LINGO2: variants seen among roughly 807,000 people sequenced by gnomAD.
LINGO2 encodes the protein leucine-rich repeat and immunoglobulin-like domain-containing nogo receptor-interacting protein 2.
In LINGO2, 14 loss-of-function variants were observed where a neutral mutation model predicts 30.6. The ratio of observed to expected loss-of-function variants is 0.46; its 90% CI spans 0.30 to 0.72. The LOEUF (loss-of-function observed/expected upper bound fraction) is 0.72, where lower values mean the gene tolerates loss of function less well. Ranked by LOEUF, LINGO2 falls within the 30% of genes least tolerant of loss-of-function variation. The pLI is 0.07. For missense variants in LINGO2, 729 were observed against 751.7 expected (o/e 0.97, Z 0.35); for synonymous variants, 317 against 288.5 (o/e 1.10, Z -1.00).
intron 4 of LINGO2, among the ~76,000 whole-genome samples, chr9:28,052,230 A>C (rs1450300989): frequency 6.6e-6 from 1 of 152,158 alleles, no homozygotes; most frequent in African/African-American, 2.4e-5. Flanking sequence ...GATCTTTGAC[A>C]AAGTAGGGAA....
At chr9:28,106,188 T>C (rs1255426263) in intron 4 of LINGO2, among the ~76,000 whole-genome samples, 1 of 152,112 alleles carries the variant, frequency 6.6e-6, no homozygotes, top group South Asian at 2.1e-4. Flanking sequence ...GGAAAAACTG[T>C]TTTCCATGAA....
intron 4 of LINGO2, among the ~76,000 whole-genome samples, chr9:28,094,386 G>A (rs2133281123): frequency 6.6e-6 from 1 of 152,164 alleles, no homozygotes; most frequent in East Asian, 1.9e-4. Context: ...AACCCAGAAT[G>A]TCCCAAAATG....
the LINGO2 span, among the ~76,000 whole-genome samples, chr9:28,879,577 C>A: frequency 1.3e-5 from 2 of 152,170 alleles, no homozygotes; most frequent in African/African-American, 4.8e-5. Context: ...CTCACATCAT[C>A]TATGGGTTCC....
At chr9:29,190,483 T>C in the LINGO2 span, among the ~76,000 whole-genome samples, 1 of 152,168 alleles carries the variant, frequency 6.6e-6, no homozygotes, top group Non-Finnish European at 1.5e-5. Context: ...GTAAGGAAAT[T>C]TAATGTAATA....
At chr9:27,953,738 TA>T (rs1819428686) in intron 5 of LINGO2, among the ~76,000 whole-genome samples, 1 of 152,178 alleles carries the variant, frequency 6.6e-6, no homozygotes, top group South Asian at 2.1e-4. Context: ...GTGAGTCAAT[TA>T]AACCTCTTTT....
chr9:29,017,544 G>A, the LINGO2 span, among the ~76,000 whole-genome samples: 1 of 152,074 alleles, frequency 6.6e-6, no homozygotes. Flanking sequence ...CAGCTAATGT[G>A]CACCACTGTC....
At chr9:29,120,625 G>A in the LINGO2 span, among the ~76,000 whole-genome samples, 1 of 152,062 alleles carries the variant, frequency 6.6e-6, no homozygotes, top group East Asian at 1.9e-4. Context: ...ATCCTCCTAC[G>A]TGCTATGCTT....
intron 4 of LINGO2, among the ~76,000 whole-genome samples, chr9:28,102,120 C>T (rs1826434908): frequency 6.6e-6 from 1 of 151,738 alleles, no homozygotes; most frequent in Non-Finnish European, 1.5e-5. Context: ...TTTGGTCTGT[C>T]CCAGGGCAGG....
the LINGO2 span, among the ~76,000 whole-genome samples, chr9:28,877,949 C>T: frequency 1.3e-5 from 2 of 152,066 alleles, no homozygotes; most frequent in African/African-American, 4.8e-5. Flanking sequence ...TTGTAGTTCT[C>T]CTTGAAGAGG....
chr9:29,134,472 G>T, the LINGO2 span, among the ~76,000 whole-genome samples: 1 of 151,448 alleles, frequency 6.6e-6, no homozygotes, highest in African/African-American at 2.4e-5. Flanking sequence ...ATATTTTGTT[G>T]GTTGTATTTT....
At chr9:28,818,037 T>C in the LINGO2 span, among the ~76,000 whole-genome samples, 1 of 152,226 alleles carries the variant, frequency 6.6e-6, no homozygotes, top group Non-Finnish European at 1.5e-5. Flanking sequence ...AGACGAATGA[T>C]ACTTTAGATC....
rs557373537 is a variant in LINGO2 at position 28,661,920 on chromosome 9, A to G, written c.-365+8280T>C. Reference sequence around the variant, plus strand: ...GGCAGGAGGTATTTTTAACAAAGTCATCAAGGTACTCATGAGGATGGCATA... The same window carrying G: ...GGCAGGAGGTATTTTTAACAAAGTCGTCAAGGTACTCATGAGGATGGCATA... On this transcript the variant is annotated intron_variant, in intron 1 of 5. Transcript: ENST00000379992. 2.6e-5 allele frequency among the ~76,000 whole-genome samples: 4 copies of G among 152,286 alleles called. No individual in the cohort carries two copies. In the South Asian group the frequency reaches 8.3e-4, roughly 32 times the overall value.
the LINGO2 span, among the ~76,000 whole-genome samples, chr9:29,070,590 C>G: frequency 4.6e-5 from 7 of 151,946 alleles, no homozygotes; most frequent in South Asian, 4.1e-4. Flanking sequence ...CTACAGACCC[C>G]CAGGTGGAAA....
the LINGO2 span, among the ~76,000 whole-genome samples, chr9:28,675,932 C>CAT: frequency 5.7e-5 from 7 of 123,668 alleles, no homozygotes; most frequent in African/African-American, 2.3e-4. Flanking sequence ...TATACATACA[C>CAT]ACACACACAC....
chr9:28,976,643 T>C, the LINGO2 span, among the ~76,000 whole-genome samples: 2 of 152,238 alleles, frequency 1.3e-5, no homozygotes, highest in East Asian at 3.9e-4. Flanking sequence ...GAGAAAACTA[T>C]TTCAAAACAC....
At chr9:28,631,172 T>A (rs1293793812) in intron 1 of LINGO2, among the ~76,000 whole-genome samples, 2 of 152,100 alleles carry the variant, frequency 1.3e-5, no homozygotes, top group Non-Finnish European at 2.9e-5. Context: ...TTTATTTTTT[T>A]ATTATACTTT....
chr9:28,657,305 T>A (rs1828390151), intron 1 of LINGO2, among the ~76,000 whole-genome samples: 1 of 152,084 alleles, frequency 6.6e-6, no homozygotes, highest in South Asian at 2.1e-4. Context: ...CTTTTCTTTT[T>A]AATTTGAAAA....
At chr9:28,936,017 C>G in the LINGO2 span, among the ~76,000 whole-genome samples, 1 of 151,846 alleles carries the variant, frequency 6.6e-6, no homozygotes, top group East Asian at 1.9e-4. Context: ...GCAAAGTGGG[C>G]AAAAGCAAGG....
chr9:29,196,011 A>T, the LINGO2 span, among the ~76,000 whole-genome samples: 1 of 152,152 alleles, frequency 6.6e-6, no homozygotes, highest in East Asian at 1.9e-4. Context: ...CATGTGCTCC[A>T]GTTTAGATGA....
Sources: gnomAD v4.1 joint callset for allele counts (sites outside exome capture counted in the v4.1 genomes callset) on GRCh38, gnomAD v4.1.1 for gene constraint, MANE v1.5 for transcripts, NCBI Gene and HGNC (gene_info 2026-07-23, HGNC 2026-07-21) for gene names.